Variants in SHB observed in about 807,000 individuals in gnomAD.
The protein encoded by SHB is SH2 domain-containing adapter protein B.
SHB carries 20 observed loss-of-function variants against 52.3 expected under a neutral mutation model. The observed-to-expected ratio is 0.38, with a 90% CI of 0.27 to 0.56. The LOEUF is 0.56. Among genes scored for constraint, SHB ranks in the 20% least tolerant of loss-of-function variants. The pLI is 0.71. For synonymous variants in SHB, 397 were observed against 316.5 expected (o/e 1.25, Z -2.70); for missense variants, 825 against 723.3 (o/e 1.14, Z -1.61).
intron 3 of SHB, among the ~76,000 whole-genome samples, chr9:37,963,089 C>T (rs907388347): frequency 4.6e-5 from 7 of 152,148 alleles, no homozygotes; most frequent in East Asian, 1.9e-4. Context: ...CCTTCCCCGG[C>T]GGAGGTGCAG....
intron 1 of SHB, among the ~76,000 whole-genome samples, chr9:38,064,433 T>C (rs189065670): frequency 5.9e-5 from 9 of 152,312 alleles, no homozygotes; most frequent in African/African-American, 2.4e-5. Flanking sequence ...AGGCCTCACA[T>C]TGAGATTTTA....
intron 2 of SHB, among the ~76,000 whole-genome samples, chr9:38,011,509 T>A (rs934225375): frequency 2.6e-5 from 4 of 152,178 alleles, no homozygotes; most frequent in African/African-American, 9.7e-5. Context: ...AGGTGCTGTC[T>A]TTGTGGGGCT....
intron 3 of SHB, among the ~76,000 whole-genome samples, chr9:37,960,243 C>A (rs1239663944): frequency 6.6e-6 from 1 of 152,184 alleles, no homozygotes; most frequent in African/African-American, 2.4e-5. Context: ...ACAAAAGCAC[C>A]AAACACAACT....
chr9:37,995,982 T>G (rs558190197), intron 2 of SHB, among the ~76,000 whole-genome samples: 1 of 152,312 alleles, frequency 6.6e-6, no homozygotes, highest in Admixed American at 6.5e-5. Context: ...GGGGTTTAAT[T>G]TGCAACTAAT....
intron 5 of SHB, among the ~76,000 whole-genome samples, chr9:37,944,598 T>C (rs1003437857): frequency 6.6e-6 from 1 of 152,100 alleles, no homozygotes; most frequent in African/African-American, 2.4e-5. Context: ...GGCATTCGGC[T>C]TCCCCCAGCC....
intron 2 of SHB, among the ~76,000 whole-genome samples, chr9:37,984,578 A>AT (rs1004175745): frequency 2.7e-4 from 40 of 150,000 alleles, no homozygotes; most frequent in Non-Finnish European, 3.7e-4. Context: ...ACTTTCTGAC[A>AT]TTTTTTTTTT....
At chr9:37,964,834 C>T (rs1174986594) in intron 3 of SHB, among the ~76,000 whole-genome samples, 2 of 152,204 alleles carry the variant, frequency 1.3e-5, no homozygotes, top group African/African-American at 4.8e-5. Flanking sequence ...GACAACTTGG[C>T]CCAGGTCATC....
In SHB at chr9:38,015,412, C is replaced by T. The variant is rs550939895; in HGVS notation, c.838+599G>A. Reference sequence around the variant, plus strand: ...TCTTGACTCCACACAATTGCTTTGACAAGGTTTTGTCATCAAGGGCCAACA... The same window carrying T: ...TCTTGACTCCACACAATTGCTTTGATAAGGTTTTGTCATCAAGGGCCAACA... On this transcript the variant is annotated intron_variant, in intron 2 of 5. Coordinates refer to ENST00000377707, the MANE Select transcript of SHB (RefSeq NM_003028.3). 8.5e-6 allele frequency: 6 copies of T among 703,122 alleles called. No homozygotes were observed. In the African/African-American group the frequency reaches 8.7e-5, roughly 10 times the overall value. The allele number at this position is 703,122 out of a possible 1,614,324, so 43.6% of individuals were successfully genotyped here.
intron 2 of SHB, among the ~76,000 whole-genome samples, chr9:37,984,019 C>T (rs1820773051): frequency 6.6e-6 from 1 of 152,214 alleles, no homozygotes; most frequent in Non-Finnish European, 1.5e-5. Context: ...GGCAAGTTAC[C>T]TCAGTTTCTT....
intron 5 of SHB, among the ~76,000 whole-genome samples, chr9:37,936,286 A>T (rs930009325): frequency 2.0e-5 from 3 of 152,302 alleles, no homozygotes; most frequent in Admixed American, 1.3e-4. Context: ...AGAAAACACA[A>T]ATCTAAAATA....
intron 5 of SHB, among the ~76,000 whole-genome samples, chr9:37,934,145 G>A (rs140750576): frequency 2.0e-4 from 31 of 152,310 alleles, no homozygotes; most frequent in Non-Finnish European, 2.9e-4. Flanking sequence ...AGCTTCGGTT[G>A]AACTCCTTTT....
At chr9:38,052,732 C>T (rs1821766974) in intron 1 of SHB, among the ~76,000 whole-genome samples, 1 of 152,198 alleles carries the variant, frequency 6.6e-6, no homozygotes, top group Admixed American at 6.5e-5. Flanking sequence ...CACTCACTCC[C>T]TCCACTACCT....
Position 37,962,529 on chromosome 9 carries a change from CAG to C in SHB, c.1055-6477_1055-6476del, listed in dbSNP as rs574726659. Among the ~76,000 whole-genome samples, 288 of 149,670 alleles carry C rather than the reference CAG, an allele frequency of 1.9e-3. 1 individual carries two copies. The highest frequency in any genetic ancestry group is 6.5e-3 in the African/African-American group (265 of 40,628). ...TCTTTCTTTTTTTTTTTTTAAGAGA[CAG>C]GGTCTCATTCTGTCGCTCAGGCTGG... On this transcript the variant is annotated intron_variant, in intron 3 of 5. Transcript: ENST00000377707.
At chr9:38,053,825 T>G (rs1468770270) in intron 1 of SHB, among the ~76,000 whole-genome samples, 1 of 152,226 alleles carries the variant, frequency 6.6e-6, no homozygotes, top group Non-Finnish European at 1.5e-5. Context: ...TCTTCCTAAA[T>G]GCTAGGCATT....
At position 37,922,434 on chromosome 9, in the gene SHB, G is replaced by A. The variant is rs12005363; in HGVS notation, c.1347-2430C>T. Among the ~76,000 whole-genome samples the A allele has an allele frequency of 4.4e-3, 676 of 152,350 alleles. 9 individuals carry two copies. The highest frequency in any genetic ancestry group is 0.016 in the African/African-American group (646 of 41,574). ...TACTAAAAGCCACACAATGTCCTCT[G>A]TACCTTGGCTGCCGACAGATAGCGA... is the stretch of plus-strand genomic sequence containing the variant. On this transcript the variant is annotated intron_variant, in intron 5 of 5. Transcript: ENST00000377707.
intron 1 of SHB, among the ~76,000 whole-genome samples, chr9:38,035,292 G>T (rs1019603949): frequency 1.3e-5 from 2 of 151,790 alleles, no homozygotes; most frequent in African/African-American, 4.8e-5. Context: ...AGTATTTGGG[G>T]AGGTAGTGAG....
At chr9:38,003,462 C>G (rs750344923) in intron 2 of SHB, among the ~76,000 whole-genome samples, 1 of 152,112 alleles carries the variant, frequency 6.6e-6, no homozygotes, top group Non-Finnish European at 1.5e-5. Context: ...CCCCGTCCCA[C>G]GAGGGCAGGG....
At chr9:37,966,527 C>T (rs945749472) in intron 3 of SHB, among the ~76,000 whole-genome samples, 3 of 152,236 alleles carry the variant, frequency 2.0e-5, no homozygotes, top group African/African-American at 7.2e-5. Context: ...TGAAACCCCC[C>T]TTTCCTGGGC....
intron 5 of SHB, among the ~76,000 whole-genome samples, chr9:37,922,141 G>A (rs544809683): frequency 6.6e-6 from 1 of 152,396 alleles, no homozygotes; most frequent in Admixed American, 6.5e-5. Context: ...GGGGGACAGA[G>A]TGGAGGAGGT....
Sources: gnomAD v4.1 joint callset for allele counts (sites outside exome capture counted in the v4.1 genomes callset) on GRCh38, gnomAD v4.1.1 for gene constraint, MANE v1.5 for transcripts, NCBI Gene and HGNC (gene_info 2026-07-23, HGNC 2026-07-21) for gene names.